Variants in RPS6KA2 observed in about 807,000 individuals in gnomAD.
RPS6KA2 encodes the protein ribosomal protein S6 kinase alpha-2.
In RPS6KA2, 42 loss-of-function variants were observed where a neutral mutation model predicts 91.8. The ratio of observed to expected loss-of-function variants is 0.46; its 90% CI spans 0.36 to 0.59. The LOEUF (loss-of-function observed/expected upper bound fraction) is 0.59, where lower values mean the gene tolerates loss of function less well. Ranked by LOEUF, RPS6KA2 falls within the 20% of genes least tolerant of loss-of-function variation. The pLI is 0.00. For synonymous variants in RPS6KA2, 414 were observed against 393.6 expected (o/e 1.05, Z -0.61); for missense variants, 798 against 978.5 (o/e 0.82, Z 2.46).
chr6:166,565,988 A>AT (rs1437201043), intron 1 of RPS6KA2, among the ~76,000 whole-genome samples: 2 of 152,244 alleles, frequency 1.3e-5, no homozygotes, highest in African/African-American at 4.8e-5. Flanking sequence ...TGTGGTTCTG[A>AT]TAACCACTTT....
Position 166,538,262 on chromosome 6 carries a change from G to C in RPS6KA2, c.216+406C>G, listed in dbSNP as rs891623765. Among the ~76,000 whole-genome samples the C allele has an allele frequency of 1.7e-4, 26 of 152,164 alleles. 1 individual carries two copies. On this transcript the variant is annotated intron_variant, in intron 2 of 20. Transcript: ENST00000265678. ...CCTGGCTCCTGTGCCCAATCCAGAG[G>C]AATGGATTCTTTTCTTTTCTTTATT...
intron 2 of RPS6KA2, among the ~76,000 whole-genome samples, chr6:166,738,236 C>T (rs373298146): frequency 2.6e-5 from 4 of 152,288 alleles, no homozygotes; most frequent in African/African-American, 7.2e-5. Context: ...GTAATTATAA[C>T]TCAAACAGTC....
At chr6:166,678,999 T>G (rs1788700400) in intron 2 of RPS6KA2, among the ~76,000 whole-genome samples, 1 of 152,200 alleles carries the variant, frequency 6.6e-6, no homozygotes, top group South Asian at 2.1e-4. Context: ...CCGTATTTGT[T>G]TACAAGTAAT....
rs994458874 is a variant in RPS6KA2 at position 166,730,468 on chromosome 6, T to G, written c.123+127732A>C. Among the ~76,000 whole-genome samples the G allele has an allele frequency of 2.6e-5, 4 of 152,344 alleles. 1 individual carries two copies. In the South Asian group the frequency reaches 8.3e-4, roughly 32 times the overall value. On this transcript the variant is annotated intron_variant, in intron 2 of 21. Coordinates refer to the RPS6KA2 transcript ENST00000503859. ...GAATATTCTGATGATTATATGAAAT[T>G]TGCAAAAGTCTAATGATCCTGACAT...
At chr6:166,836,554 C>T (rs1367041839) in intron 2 of RPS6KA2, among the ~76,000 whole-genome samples, 1 of 152,150 alleles carries the variant, frequency 6.6e-6, no homozygotes, top group Non-Finnish European at 1.5e-5. Context: ...CCTCTGGTAT[C>T]ACTTCTGAAG....
At chr6:166,545,347 G>A (rs767406571) in intron 1 of RPS6KA2, among the ~76,000 whole-genome samples, 139 of 152,318 alleles carry the variant, frequency 9.1e-4, no homozygotes, top group African/African-American at 9.4e-4. Flanking sequence ...TCCAAGAGTG[G>A]TCACTGCAGT....
rs564417955 is a variant in RPS6KA2, at chr6:166,789,682, A to G, written c.123+68518T>C. Among the ~76,000 whole-genome samples the G allele has an allele frequency of 8.5e-5, 13 of 152,336 alleles. No individual in the cohort carries two copies. The South Asian group carries it at 2.7e-3, about 32-fold the overall frequency. ...AGACAAAACTTCCAGAGGAACGATC[A>G]GGCAGCAGCATTTGTGGGTCACCAA... On this transcript the variant is annotated intron_variant, in intron 2 of 21. Transcript: ENST00000503859.
At chr6:166,862,457 C>G in exon 1 of RPS6KA2, 1 of 1,136,388 alleles carries the variant, frequency 8.8e-7, no homozygotes, top group Non-Finnish European at 1.1e-6. Flanking sequence ...GCTTCCCGCT[C>G]GGGCTGGGGC....
rs7758315 is a variant in RPS6KA2, at chr6:166,774,882, G to A, written c.123+83318C>T. 3.2e-3 allele frequency among the ~76,000 whole-genome samples: 481 copies of A among 149,926 alleles called. 20 individuals are homozygous for A. The highest frequency in any genetic ancestry group is 0.012 in the African/African-American group (458 of 39,356). ...TCTTGTCTGTGACCTCTGAGGAGTC[G>A]GATCCCCAGGTGCTTCAATAGCTCT... On this transcript the variant is annotated intron_variant, in intron 2 of 21. Transcript: ENST00000503859.
rs116390957 is a variant in RPS6KA2, at chr6:166,735,379, C to A, written c.123+122821G>T. Among the ~76,000 whole-genome samples, 308 of 152,310 alleles carry A rather than the reference C, an allele frequency of 2.0e-3. 1 individual carries two copies. Among genetic ancestry groups the A allele is most frequent in the African/African-American group, 7.1e-3 (294 of 41,564 alleles). On this transcript the variant is annotated intron_variant, in intron 2 of 21. Coordinates refer to the RPS6KA2 transcript ENST00000503859. ...GGGCAGCAGTCCCCAATCTTTTTGG[C>A]ACCAGGGACTGGTTTTGTGGCAGAT...
chr6:166,759,642 CT>C (rs1778113516), intron 2 of RPS6KA2, among the ~76,000 whole-genome samples: 1 of 152,226 alleles, frequency 6.6e-6, no homozygotes, highest in South Asian at 2.1e-4. Flanking sequence ...TATTTCTTTT[CT>C]CCAAAATGAA....
intron 2 of RPS6KA2, among the ~76,000 whole-genome samples, chr6:166,804,983 T>C (rs1779455012): frequency 6.6e-6 from 1 of 152,220 alleles, no homozygotes; most frequent in Non-Finnish European, 1.5e-5. Context: ...TGAGACATTA[T>C]TATTAAAAAG....
intron 1 of RPS6KA2, among the ~76,000 whole-genome samples, chr6:166,607,004 TG>T (rs1046406174): frequency 6.6e-6 from 1 of 152,188 alleles, no homozygotes; most frequent in Non-Finnish European, 1.5e-5. Flanking sequence ...TAGCTGGGTG[TG>T]CTGGCAGGTG....
In RPS6KA2 at chr6:166,490,990, C is replaced by T. The variant is rs1781569298; in HGVS notation, c.748-249G>A. On this transcript the variant is annotated intron_variant, in intron 8 of 20. Coordinates refer to ENST00000265678, the MANE Select transcript of RPS6KA2 (RefSeq NM_021135.6). The surrounding 1 kb of genome is among the most constrained non-coding windows in gnomAD (Gnocchi z 4.2). ...TAGATAATCACACTCTGTGGCAGGC[C>T]AGCAGGCCCCGAGTACGACAGAGAA... 1.3e-5 allele frequency among the ~76,000 whole-genome samples: 2 copies of T among 152,202 alleles called. No individual in the cohort carries two copies. Among genetic ancestry groups the T allele is most frequent in the Non-Finnish European group, 2.9e-5 (2 of 68,040 alleles).
In RPS6KA2 at chr6:166,435,522, C is replaced by T. The variant is rs1779264578; in HGVS notation, c.1333-3032G>A. ...CAAAGCACCTCTGTCAACAACCAAA[C>T]ACCACACACCAGCTGTTCGCTGAGG... On this transcript the variant is annotated intron_variant, in intron 14 of 20. Coordinates refer to ENST00000265678, the MANE Select transcript of RPS6KA2 (RefSeq NM_021135.6). The surrounding 1 kb of genome is among the most constrained non-coding windows in gnomAD (Gnocchi z 4.3). Among the ~76,000 whole-genome samples the T allele has an allele frequency of 6.6e-6, 1 of 152,214 alleles. No homozygotes were observed. Among genetic ancestry groups the T allele is most frequent in the East Asian group, 1.9e-4 (1 of 5,198 alleles).
intron 1 of RPS6KA2, among the ~76,000 whole-genome samples, chr6:166,859,571 T>G: frequency 6.6e-6 from 1 of 152,232 alleles, no homozygotes; most frequent in Admixed American, 6.5e-5. Flanking sequence ...ATTTATGGGT[T>G]AATTATATAT....
At chr6:166,524,475 A>G (rs1337536853) in intron 3 of RPS6KA2, among the ~76,000 whole-genome samples, 1 of 152,162 alleles carries the variant, frequency 6.6e-6, no homozygotes, top group Non-Finnish European at 1.5e-5. Flanking sequence ...AGTCATGAAC[A>G]TGATCACAGG....
At chr6:166,708,829 TCTGAA>T (rs1357451418) in intron 2 of RPS6KA2, among the ~76,000 whole-genome samples, 1 of 152,224 alleles carries the variant, frequency 6.6e-6, no homozygotes, top group African/African-American at 2.4e-5. Context: ...AATACATACT[TCTGAA>T]CTGAAGTCTC....
At chr6:166,822,188 C>T (rs1779921522) in intron 2 of RPS6KA2, among the ~76,000 whole-genome samples, 1 of 152,216 alleles carries the variant, frequency 6.6e-6, no homozygotes, top group South Asian at 2.1e-4. Flanking sequence ...TTGGTAAGGG[C>T]TTTACGGGCT....
Sources: allele counts gnomAD v4.1 joint callset (sites outside exome capture counted in the v4.1 genomes callset), GRCh38; gene constraint gnomAD v4.1.1; non-coding constraint Gnocchi (gnomAD v3.1); transcripts MANE v1.5; gene names NCBI Gene and HGNC (gene_info 2026-07-23, HGNC 2026-07-21).